APBB1IP: variants seen among roughly 807,000 people sequenced by gnomAD.
The protein encoded by APBB1IP is amyloid beta precursor protein binding family B member 1 interacting protein, also known as amyloid beta A4 precursor protein-binding family B member 1-interacting protein.
Under a neutral mutation model 64.9 loss-of-function variants are expected in APBB1IP, and 27 were observed. The ratio of observed to expected loss-of-function variants is 0.42; its 90% CI spans 0.31 to 0.57. APBB1IP has a LOEUF of 0.57. Ranked by LOEUF, APBB1IP falls within the 20% of genes least tolerant of loss-of-function variation. The pLI is 0.20. For missense variants in APBB1IP, 812 were observed against 845.5 expected, an observed-to-expected ratio of 0.96 and a Z score of 0.49; for synonymous variants, 392 against 331.0, an observed-to-expected ratio of 1.18 and a Z score of -2.00.
At chr10:26,494,543 C>A (rs1191085512) in intron 3 of APBB1IP, among the ~76,000 whole-genome samples, 1 of 152,162 alleles carries the variant, frequency 6.6e-6, no homozygotes, top group African/African-American at 2.4e-5. Context: ...TAAACCAATT[C>A]TAGACCGGGC....
intron 11 of APBB1IP, among the ~76,000 whole-genome samples, chr10:26,548,696 G>A (rs186943724): frequency 5.9e-5 from 9 of 152,174 alleles, no homozygotes; most frequent in Non-Finnish European, 1.2e-4. Flanking sequence ...ATTTTCTATC[G>A]TGAAACTTTA....
intron 2 of APBB1IP, among the ~76,000 whole-genome samples, chr10:26,477,921 T>A (rs1452994353): frequency 6.6e-6 from 1 of 152,212 alleles, no homozygotes; most frequent in Non-Finnish European, 1.5e-5. Flanking sequence ...GACGGGATCA[T>A]GCTGTGTCGC....
chr10:26,556,196 G>A lies in APBB1IP; in HGVS notation c.1156-3909G>A, dbSNP rs541868692. On this transcript the variant is annotated intron_variant, in intron 11 of 14. Coordinates refer to ENST00000376236, the MANE Select transcript of APBB1IP (RefSeq NM_019043.4). ...GCGAAAGAGCCTGGCCAGTGACACTGCACCAGCATTTTCCTGAAACCTCTT... is the reference window on the plus strand; with the variant it reads ...GCGAAAGAGCCTGGCCAGTGACACTACACCAGCATTTTCCTGAAACCTCTT... Among the ~76,000 whole-genome samples, 23 of 152,304 alleles carry A rather than the reference G, an allele frequency of 1.5e-4. No homozygotes were observed. In the South Asian group the frequency reaches 4.8e-3, roughly 32 times the overall value.
At chr10:26,563,718 T>G (rs1837003983) in intron 14 of APBB1IP, among the ~76,000 whole-genome samples, 1 of 152,166 alleles carries the variant, frequency 6.6e-6, no homozygotes, top group Admixed American at 6.5e-5. Flanking sequence ...CTTCAACAAT[T>G]TTTCACTTCT....
At chr10:26,553,005 G>A (rs1383439594) in intron 11 of APBB1IP, among the ~76,000 whole-genome samples, 3 of 150,152 alleles carry the variant, frequency 2.0e-5, no homozygotes, top group East Asian at 1.9e-4. Context: ...AAGTGATGAT[G>A]CCCTCCATGT....
rs1025266895 is a variant in APBB1IP, at chr10:26,440,573, T to A, written c.-1+1720T>A. Among the ~76,000 whole-genome samples the A allele has an allele frequency of 2.0e-5, 3 of 152,186 alleles. No homozygotes were observed. In the East Asian group the frequency reaches 5.8e-4, roughly 29 times the overall value. ...AAGAAACAGCCCAAACTTGAACAGG[T>A]CAATATTATATTTTGAAATCTTTAA... On this transcript the variant is annotated intron_variant, in intron 2 of 14. Transcript: ENST00000376236.
At chr10:26,462,131 G>A (rs1045937754) in intron 2 of APBB1IP, among the ~76,000 whole-genome samples, 1 of 152,140 alleles carries the variant, frequency 6.6e-6, no homozygotes, top group African/African-American at 2.4e-5. Flanking sequence ...AGACTTGTGT[G>A]GTTCTGACAA....
Position 26,543,596 on chromosome 10 carries a change from G to A in APBB1IP, c.1155+1904G>A, listed in dbSNP as rs562837043. On this transcript the variant is annotated intron_variant, in intron 11 of 14. Coordinates refer to ENST00000376236, the MANE Select transcript of APBB1IP (RefSeq NM_019043.4). ...CATCACCTGGAATAGTGGTGGGAAT[G>A]CGGCAATTAAAAAAATACAACAATC... 3.9e-5 allele frequency among the ~76,000 whole-genome samples: 6 copies of A among 152,078 alleles called. No homozygotes were observed. In the East Asian group the frequency reaches 9.7e-4, roughly 25 times the overall value.
chr10:26,483,247 A>C (rs1835857170), intron 2 of APBB1IP, among the ~76,000 whole-genome samples: 1 of 152,178 alleles, frequency 6.6e-6, no homozygotes, highest in Non-Finnish European at 1.5e-5. Flanking sequence ...ATCTTCCAGA[A>C]ATTTGTTTAA....
rs777195948 is a variant in APBB1IP, at chr10:26,541,561, AT to A, written c.1045-14del. On this transcript the variant is annotated intron_variant, in intron 10 of 14. Transcript: ENST00000376236. ...TAACTGTCATCTCAGTTGAAGTTTT[AT>A]TTTTTTCCCTGTCTTTCAGACATCT... is the stretch of plus-strand genomic sequence containing the variant. 5.1e-6 allele frequency: 8 copies of A among 1,558,584 alleles called. No homozygotes were observed. The highest frequency in any genetic ancestry group is 3.4e-5 in the Admixed American group (2 of 58,430).
Position 26,533,451 on chromosome 10 carries a change from G to A in APBB1IP, c.826G>A (p.Asp276Asn), listed in dbSNP as rs1210020020. The change falls in exon 9 of 15, where the codon GAT becomes AAT. Residue 276 changes from aspartate to asparagine, a missense_variant. Transcript: ENST00000376236. ...VFKNPQNFYL[D>N]NRGKKESKET... ...ACATTTTATTTAGAATTTCTACTTG[G>A]ATAACAGAGGAAAAAAAGAAAGCAA... 3 of 1,593,142 alleles carry A rather than the reference G, an allele frequency of 1.9e-6. No homozygotes were observed. The highest frequency in any genetic ancestry group is 1.1e-5 in the South Asian group (1 of 88,478).
chr10:26,561,425 G>A (rs1836971691), intron 13 of APBB1IP, among the ~76,000 whole-genome samples: 6 of 127,252 alleles, frequency 4.7e-5, no homozygotes, highest in Admixed American at 4.6e-4. Flanking sequence ...GTCTTGCTCT[G>A]TCACCCAGGC....
chr10:26,476,215 C>A (rs975893915), intron 2 of APBB1IP, among the ~76,000 whole-genome samples: 1 of 151,750 alleles, frequency 6.6e-6, no homozygotes, highest in Non-Finnish European at 1.5e-5. Flanking sequence ...CCCGCCACCA[C>A]GCCTGGCTAA....
chr10:26,486,578 A>G (rs1835894190), intron 2 of APBB1IP, among the ~76,000 whole-genome samples: 2 of 152,252 alleles, frequency 1.3e-5, no homozygotes, highest in South Asian at 4.1e-4. Flanking sequence ...GTGTTTAGGC[A>G]AGCTACTCTG....
chr10:26,445,164 G>GAAAT (rs1218663541), intron 2 of APBB1IP, among the ~76,000 whole-genome samples: 3 of 147,156 alleles, frequency 2.0e-5, no homozygotes, highest in Non-Finnish European at 4.5e-5. Context: ...AAGAAAGAAA[G>GAAAT]AAAGAAAGAA....
chr10:26,489,366 A>AT (rs1835929708), intron 2 of APBB1IP, among the ~76,000 whole-genome samples: 1 of 152,182 alleles, frequency 6.6e-6, no homozygotes, highest in African/African-American at 2.4e-5. Context: ...GAAGAAAATA[A>AT]TTTTTTTCTT....
chr10:26,510,926 G>A (rs910224320), intron 6 of APBB1IP, among the ~76,000 whole-genome samples: 23 of 152,140 alleles, frequency 1.5e-4, no homozygotes, highest in East Asian at 3.9e-4. Context: ...GTTAACATAC[G>A]CTCTGTGGAC....
intron 11 of APBB1IP, among the ~76,000 whole-genome samples, chr10:26,557,359 G>C (rs1040257045): frequency 3.9e-5 from 6 of 152,216 alleles, no homozygotes; most frequent in Non-Finnish European, 7.3e-5. Context: ...TGTTTGCTAT[G>C]CCCAAGCAAA....
At chr10:26,495,430 G>A (rs1198211162) in intron 3 of APBB1IP, among the ~76,000 whole-genome samples, 1 of 151,716 alleles carries the variant, frequency 6.6e-6, no homozygotes, top group Admixed American at 6.6e-5. Context: ...GTCAGAGTCT[G>A]GGATTTTTGC....
Sources: allele counts gnomAD v4.1 joint callset (sites outside exome capture counted in the v4.1 genomes callset), GRCh38; gene constraint gnomAD v4.1.1; transcripts MANE v1.5; gene names NCBI Gene and HGNC (gene_info 2026-07-23, HGNC 2026-07-21).